CLMN: variants seen among roughly 807,000 people sequenced by gnomAD.
CLMN encodes the protein calmin.
CLMN carries 57 observed loss-of-function variants against 92.7 expected under a neutral mutation model. The ratio of observed to expected loss-of-function variants is 0.61; its 90% CI spans 0.50 to 0.77. The LOEUF is 0.77. CLMN is among the 30% of genes least tolerant of loss of function. CLMN has a pLI of 0.00. For synonymous variants in CLMN, 466 were observed against 470.6 expected, an observed-to-expected ratio of 0.99 and a Z score of 0.13; for missense variants, 1,158 against 1,237.5, an observed-to-expected ratio of 0.94 and a Z score of 0.96.
intron 1 of CLMN, among the ~76,000 whole-genome samples, chr14:95,268,790 CTCTCTTTTTT>C (rs1899585360): frequency 8.1e-6 from 1 of 123,388 alleles, no homozygotes; most frequent in Non-Finnish European, 1.7e-5. Flanking sequence ...CTCTCTCTCT[CTCTCTTTTTT>C]TTTTTTTTTT....
chr14:95,284,568 G>A (rs1169664379), intron 1 of CLMN, among the ~76,000 whole-genome samples: 1 of 152,196 alleles, frequency 6.6e-6, no homozygotes, highest in Non-Finnish European at 1.5e-5. Flanking sequence ...CAAGACCATG[G>A]GAACCCACCT....
At chr14:95,218,982 T>C (rs1897440885) in intron 4 of CLMN, among the ~76,000 whole-genome samples, 1 of 152,194 alleles carries the variant, frequency 6.6e-6, no homozygotes, top group Non-Finnish European at 1.5e-5. Context: ...AGCTGTTTGT[T>C]TTTGCCTCTG....
chr14:95,289,565 C>T (rs1196197331), intron 1 of CLMN, among the ~76,000 whole-genome samples: 1 of 152,020 alleles, frequency 6.6e-6, no homozygotes, highest in Non-Finnish European at 1.5e-5. Context: ...GTATACTATA[C>T]TTCAATTTTT....
Position 95,210,880 on chromosome 14 carries a change from C to G in CLMN, c.609-1G>C, listed in dbSNP as rs763695779. 17 of 1,499,884 alleles carry G rather than the reference C, an allele frequency of 1.1e-5. No individual in the cohort carries two copies. Among genetic ancestry groups the G allele is most frequent in the Non-Finnish European group, 1.5e-5 (17 of 1,131,634 alleles). 92.9% of individuals were successfully genotyped at this position (1,499,884 alleles called of 1,614,324 possible). ...AAAGTCCTGCACCGCCACGCCATAC[C>G]TGAAGGAAAAACAGCAGCGGCGGCC... On this transcript the variant is annotated splice_acceptor_variant, in intron 6 of 12. Coordinates refer to ENST00000298912, the MANE Select transcript of CLMN (RefSeq NM_024734.4). LOFTEE classifies it high-confidence loss of function.
intron 1 of CLMN, among the ~76,000 whole-genome samples, chr14:95,293,561 C>A (rs1334793254): frequency 6.6e-6 from 1 of 152,084 alleles, no homozygotes; most frequent in Non-Finnish European, 1.5e-5. Context: ...TCTATGGATT[C>A]AAGACCAGGA....
chr14:95,247,873 CA>C (rs1195426099), intron 1 of CLMN, among the ~76,000 whole-genome samples: 1 of 151,452 alleles, frequency 6.6e-6, no homozygotes, highest in Non-Finnish European at 1.5e-5. Context: ...AAGAGAGAGA[CA>C]TAGAGATGAG....
intron 2 of CLMN, among the ~76,000 whole-genome samples, chr14:95,228,682 T>G (rs1897788091): frequency 1.3e-5 from 2 of 152,216 alleles, no homozygotes; most frequent in Non-Finnish European, 2.9e-5. Context: ...GAACCTTTTG[T>G]TTTGTTTTTT....
intron 1 of CLMN, among the ~76,000 whole-genome samples, chr14:95,280,152 T>C (rs1299398075): frequency 2.6e-5 from 4 of 152,200 alleles, no homozygotes; most frequent in East Asian, 1.9e-4. Flanking sequence ...AAATTGAACA[T>C]TGGAATAAAG....
At chr14:95,219,877 T>C (rs945662683) in intron 4 of CLMN, among the ~76,000 whole-genome samples, 6 of 152,314 alleles carry the variant, frequency 3.9e-5, no homozygotes, top group East Asian at 3.9e-4. Context: ...GAAAGATGTA[T>C]GCAAGAATCA....
At chr14:95,208,530 T>A (rs1457494433) in intron 8 of CLMN, among the ~76,000 whole-genome samples, 1 of 152,240 alleles carries the variant, frequency 6.6e-6, no homozygotes, top group Non-Finnish European at 1.5e-5. Context: ...GATGCTAACA[T>A]ATTCCATCTG....
At chr14:95,231,720 T>G (rs1366895050) in intron 1 of CLMN, among the ~76,000 whole-genome samples, 1 of 152,154 alleles carries the variant, frequency 6.6e-6, no homozygotes, top group Non-Finnish European at 1.5e-5. Context: ...GGAATCCCCA[T>G]CCAGGTCTGT....
At chr14:95,198,487 A>C (rs1442706563) in intron 9 of CLMN, among the ~76,000 whole-genome samples, 1 of 151,994 alleles carries the variant, frequency 6.6e-6, no homozygotes, top group Non-Finnish European at 1.5e-5. Flanking sequence ...ACGCTCACCC[A>C]CACGGATTGA....
chr14:95,244,578 T>C (rs144724221), intron 1 of CLMN, among the ~76,000 whole-genome samples: 1 of 152,314 alleles, frequency 6.6e-6, no homozygotes, highest in Non-Finnish European at 1.5e-5. Flanking sequence ...CAGGGAAGTC[T>C]TGAGAAATGT....
In CLMN at chr14:95,191,333, T is replaced by C; in HGVS notation, c.*231A>G. ...ACAAAACCCCACCTACGGATCCAGC[T>C]GCATGCCTGAGTTTTGAGTACACAG... On this transcript the variant is annotated 3_prime_UTR_variant, in exon 13 of 13. Transcript: ENST00000298912. The surrounding 1 kb of genome is among the most constrained non-coding windows in gnomAD (Gnocchi z 5.3). 2 of 368,040 alleles carry C rather than the reference T, an allele frequency of 5.4e-6. No individual in the cohort carries two copies. The allele number at this position is 368,040 out of a possible 1,614,324, so 22.8% of individuals were successfully genotyped here.
At chr14:95,199,576 C>T (rs756918665) in intron 9 of CLMN, among the ~76,000 whole-genome samples, 2 of 152,146 alleles carry the variant, frequency 1.3e-5, no homozygotes, top group Non-Finnish European at 1.5e-5. Flanking sequence ...TGTCAGGCAC[C>T]GTGCTGGTCT....
chr14:95,213,945 T>C (rs879627287), intron 5 of CLMN, among the ~76,000 whole-genome samples: 11 of 152,052 alleles, frequency 7.2e-5, no homozygotes, highest in Non-Finnish European at 1.5e-4. Flanking sequence ...GTAGGTTACG[T>C]CTAACTTAGT....
intron 1 of CLMN, among the ~76,000 whole-genome samples, chr14:95,237,299 T>C (rs1020119286): frequency 6.6e-6 from 1 of 152,196 alleles, no homozygotes; most frequent in Non-Finnish European, 1.5e-5. Flanking sequence ...CAAGCGCCTT[T>C]AGACAAGTAG....
chr14:95,276,602 CTCTT>C (rs1204990812), intron 1 of CLMN, among the ~76,000 whole-genome samples: 3 of 152,070 alleles, frequency 2.0e-5, no homozygotes, highest in East Asian at 3.9e-4. Context: ...CAATACTTTT[CTCTT>C]TCTTTCTTTC....
intron 9 of CLMN, among the ~76,000 whole-genome samples, chr14:95,201,697 G>A (rs766931737): frequency 1.4e-4 from 21 of 151,452 alleles, no homozygotes; most frequent in Non-Finnish European, 1.9e-4. Context: ...TTTAAGGCCC[G>A]CATGCATTAG....
Sources: gnomAD v4.1 joint callset for allele counts (sites outside exome capture counted in the v4.1 genomes callset) on GRCh38, gnomAD v4.1.1 for gene constraint, Gnocchi (gnomAD v3.1) non-coding constraint, MANE v1.5 for transcripts, NCBI Gene and HGNC (gene_info 2026-07-23, HGNC 2026-07-21) for gene names.